The following ATRIP variants were observed in gnomAD, a reference collection of about 807,000 sequenced individuals.
ATRIP encodes the protein ATR-interacting protein.
ATRIP carries 44 observed loss-of-function variants against 78.1 expected under a neutral mutation model. The observed-to-expected ratio is 0.56, with a 90% confidence interval of 0.44 to 0.72. The LOEUF (loss-of-function observed/expected upper bound fraction) is 0.72. ATRIP is among the 30% of genes least tolerant of loss of function. The pLI is 0.00. For missense variants in ATRIP, 927 were observed against 980.2 expected (o/e 0.95, Z 0.72); for synonymous variants, 388 against 408.9 (o/e 0.95, Z 0.62).
chr3:48,459,290 C>A, intron 5 of ATRIP, 69 bp from the exon 6 acceptor site: 1 of 1,292,154 alleles, frequency 7.7e-7, no homozygotes, highest in Non-Finnish European at 1.1e-6. Flanking sequence ...AAACTCATTG[C>A]ATGTAAAAGT....
chr3:48,455,509 A>C (rs1478208734), intron 4 of ATRIP, among the ~76,000 whole-genome samples: 2 of 149,936 alleles, frequency 1.3e-5, no homozygotes, highest in African/African-American at 2.5e-5. Flanking sequence ...TTTTTTTTTG[A>C]GACAGAGTCT....
At chr3:48,453,146 A>G (rs2039875644) in intron 3 of ATRIP, among the ~76,000 whole-genome samples, 1 of 152,150 alleles carries the variant, frequency 6.6e-6, no homozygotes, top group Non-Finnish European at 1.5e-5. Context: ...GGCCTTCCAA[A>G]GTGCTGAGAT....
chr3:48,459,580 A>G, intron 6 of ATRIP, 126 bp downstream of exon 6: 2 of 1,173,020 alleles, frequency 1.7e-6, no homozygotes, highest in South Asian at 1.3e-5. Flanking sequence ...AAGTCAAAGT[A>G]TGTGGCTTAA....
chr3:48,459,618 C>A, intron 6 of ATRIP, 164 bp downstream of exon 6: 2 of 1,137,402 alleles, frequency 1.8e-6, no homozygotes, highest in Non-Finnish European at 1.3e-6. Flanking sequence ...GTGGAAAGGG[C>A]CAAGGGCAGG....
chr3:48,459,101 G>A (rs2040030066), intron 5 of ATRIP, among the ~76,000 whole-genome samples: 1 of 152,218 alleles, frequency 6.6e-6, no homozygotes, highest in Admixed American at 6.5e-5. Context: ...CCATGTCAAT[G>A]TTAGTGGTCA....
Position 48,466,736 on chromosome 3 carries a change from C to G in ATRIP, c.*1182C>G, listed in dbSNP as rs1308074815. On this transcript the variant is annotated 3_prime_UTR_variant, in exon 13 of 13. Transcript: ENST00000320211. ...TGGAGGCCACTGGCTTGCCCTTCTCCCAGCCCAAGGTCACGGAGCTGTGCC... is the reference window on the plus strand; with the variant it reads ...TGGAGGCCACTGGCTTGCCCTTCTCGCAGCCCAAGGTCACGGAGCTGTGCC... 1.2e-6 allele frequency: 2 copies of G among 1,614,050 alleles called. No homozygotes were observed. Among genetic ancestry groups the G allele is most frequent in the Admixed American group, 3.3e-5 (2 of 60,022 alleles).
At chr3:48,457,784 A>G (rs1007731764) in intron 5 of ATRIP, among the ~76,000 whole-genome samples, 1 of 151,686 alleles carries the variant, frequency 6.6e-6, no homozygotes, top group Non-Finnish European at 1.5e-5. Context: ...CCTCTGCCAC[A>G]TTGTATTTGT....
In ATRIP at chr3:48,457,423, C is replaced by G; in HGVS notation, c.829+7C>G. 6.5e-7 allele frequency: 1 copy of G among 1,531,592 alleles called. No homozygotes were observed. The highest frequency in any genetic ancestry group is 1.3e-5 in the South Asian group (1 of 77,392). 94.9% of individuals were successfully genotyped at this position (1,531,592 alleles called of 1,614,324 possible). ...CCTCTGGTGGGCAGAGAGGGTAAGT[C>G]CATTAGTCATCTATTGATGTATAAC... On this transcript the variant is annotated splice_region_variant and intron_variant, in intron 5 of 12. Transcript: ENST00000320211.
intron 3 of ATRIP, among the ~76,000 whole-genome samples, chr3:48,453,894 A>C (rs2039892203): frequency 2.0e-5 from 3 of 152,128 alleles, no homozygotes; most frequent in African/African-American, 7.2e-5. Context: ...ACATTAAATA[A>C]ATGGTGGGCT....
intron 1 of ATRIP, among the ~76,000 whole-genome samples, chr3:48,448,510 A>T (rs1476187569): frequency 6.6e-6 from 1 of 152,202 alleles, no homozygotes; most frequent in African/African-American, 2.4e-5. Flanking sequence ...GCCCTTTAAT[A>T]ATTTCTTATT....
intron 4 of ATRIP, among the ~76,000 whole-genome samples, chr3:48,456,401 AAACTCTATCTCTAGAAAT>A (rs1256783086): frequency 1.3e-5 from 2 of 151,828 alleles, no homozygotes; most frequent in African/African-American, 2.4e-5. Context: ...CAACATGGTG[AAACTCTATCTCTAGAAAT>A]AACTCTATCT....
At position 48,465,730 on chromosome 3, in the gene ATRIP, G is replaced by A. The variant is rs919667103; in HGVS notation, c.*176G>A. ...AGCAGGACCCGGACCCTGAGTGGCTGGGATCCTTCTTCCTGTCCCTGGCTG... is the reference window on the plus strand; with the variant it reads ...AGCAGGACCCGGACCCTGAGTGGCTAGGATCCTTCTTCCTGTCCCTGGCTG... On this transcript the variant is annotated 3_prime_UTR_variant, in exon 13 of 13. Coordinates refer to ENST00000320211, the MANE Select transcript of ATRIP (RefSeq NM_130384.3). 2 of 609,346 alleles carry A rather than the reference G, an allele frequency of 3.3e-6. No homozygotes were observed. Among genetic ancestry groups the A allele is most frequent in the African/African-American group, 1.9e-5 (1 of 53,972 alleles). 37.7% of individuals were successfully genotyped at this position (609,346 alleles called of 1,614,324 possible).
chr3:48,466,268 T>G lies in ATRIP; in HGVS notation c.*714T>G, dbSNP rs3135941. 3 of 618,950 alleles carry G rather than the reference T, an allele frequency of 4.8e-6. No individual in the cohort carries two copies. The highest frequency in any genetic ancestry group is 2.8e-5 in the East Asian group (1 of 35,322). 38.3% of individuals were successfully genotyped at this position (618,950 alleles called of 1,614,324 possible). A position where few individuals can be genotyped will look rare whatever the true frequency, so the allele number is the denominator to read the frequency against. On this transcript the variant is annotated 3_prime_UTR_variant, in exon 13 of 13. Coordinates refer to ENST00000320211, the MANE Select transcript of ATRIP (RefSeq NM_130384.3). The stretch of plus-strand genomic sequence containing the variant: ...GCTGCCAGCGAGAGCCGCGGGAGAG[T>G]GTGCAGCCGAGTCACTACTGCCTGC...
Position 48,465,808 on chromosome 3 carries a change from C to T in ATRIP, c.*254C>T, listed in dbSNP as rs1170399297. 8.8e-6 allele frequency: 4 copies of T among 456,090 alleles called. No homozygotes were observed. The highest frequency in any genetic ancestry group is 2.0e-5 in the African/African-American group (1 of 50,022). The allele number at this position is 456,090 out of a possible 1,614,324, so 28.3% of individuals were successfully genotyped here. ...ATCTGCCTTGAGGAAGGAGCCCTGC[C>T]CTGCCTGTGGAATTGTCCTGAGTCA... is the stretch of plus-strand genomic sequence containing the variant. On this transcript the variant is annotated 3_prime_UTR_variant, in exon 13 of 13. Coordinates refer to ENST00000320211, the MANE Select transcript of ATRIP (RefSeq NM_130384.3).
At chr3:48,463,615 A>T (rs2040178513) in intron 8 of ATRIP, 130 bp from the exon 9 acceptor site, 1 of 1,311,882 alleles carries the variant, frequency 7.6e-7, no homozygotes, top group African/African-American at 1.5e-5. Context: ...CTGAAACCCA[A>T]GTCTGGCTGA....
chr3:48,465,769 C>A lies in ATRIP; in HGVS notation c.*215C>A, dbSNP rs558196625. On this transcript the variant is annotated 3_prime_UTR_variant, in exon 13 of 13. Coordinates refer to ENST00000320211, the MANE Select transcript of ATRIP (RefSeq NM_130384.3). ...TGTCCCTGGCTGTTGCTGAGCCCGT[C>A]CCCATGGTAACTGATCTGCCTTGAG... 2 of 536,406 alleles carry A rather than the reference C, an allele frequency of 3.7e-6. No individual in the cohort carries two copies. Among genetic ancestry groups the A allele is most frequent in the South Asian group, 4.0e-5 (2 of 50,580 alleles). The allele number at this position is 536,406 out of a possible 1,614,324, so 33.2% of individuals were successfully genotyped here.
At chr3:48,461,118 G>C (rs538741949) in intron 8 of ATRIP, among the ~76,000 whole-genome samples, 3 of 152,340 alleles carry the variant, frequency 2.0e-5, no homozygotes, top group East Asian at 3.9e-4. Context: ...CCTGAGATGT[G>C]GGTAAGGTGA....
At position 48,451,828 on chromosome 3, in the gene ATRIP, A is replaced by G. The variant is rs2039844648; in HGVS notation, c.481A>G (p.Arg161Gly). The change falls in exon 3 of 13, where the codon AGA (arginine) becomes GGA (glycine). Residue 161 changes from arginine (R) to glycine (G), a missense_variant. Transcript: ENST00000320211. ...QTESVLEEQR[R>G]SHFLLEQEKT... ...GGAATCCGTTCTAGAGGAACAGAGAAGATCACATTTTCTTCTTGAGCAAGA... is the reference window on the plus strand; with the variant it reads ...GGAATCCGTTCTAGAGGAACAGAGAGGATCACATTTTCTTCTTGAGCAAGA... 6.2e-7 allele frequency: 1 copy of G among 1,612,942 alleles called. No homozygotes were observed. The highest frequency in any genetic ancestry group is 8.5e-7 in the Non-Finnish European group (1 of 1,179,268).
chr3:48,459,947 G>T, intron 7 of ATRIP, 31 bp downstream of exon 7: 1 of 1,587,534 alleles, frequency 6.3e-7, no homozygotes, highest in South Asian at 1.2e-5. Context: ...AAGCTTGTTT[G>T]GGAAGGAGCT....
Sources: allele counts gnomAD v4.1 joint callset (sites outside exome capture counted in the v4.1 genomes callset), GRCh38; gene constraint gnomAD v4.1.1; transcripts MANE v1.5; gene names NCBI Gene and HGNC (gene_info 2026-07-23, HGNC 2026-07-21).